The following UBE3C variants were observed in gnomAD, a reference collection of about 807,000 sequenced individuals.
UBE3C encodes the protein ubiquitin-protein ligase E3C.
A neutral mutation model predicts 129.4 loss-of-function variants in UBE3C; 42 were observed. That is an observed-to-expected ratio of 0.32 (90% CI 0.25 to 0.42). The LOEUF is 0.42. UBE3C is among the 10% of genes least tolerant of loss of function. The pLI, the probability that UBE3C is intolerant of heterozygous loss-of-function variation, is 1.00. For missense variants in UBE3C, 1,049 were observed against 1,319.1 expected (o/e 0.80, Z 3.17); for synonymous variants, 510 against 492.4 (o/e 1.04, Z -0.47).
chr7:157,210,148 G>A (rs1809550535), intron 13 of UBE3C, among the ~76,000 whole-genome samples: 1 of 152,190 alleles, frequency 6.6e-6, no homozygotes, highest in South Asian at 2.1e-4. Context: ...CTGCACTCCA[G>A]CCTGGGCGGT....
rs1023892001 is a variant in UBE3C at position 157,141,211 on chromosome 7, G to A, written c.66+1873G>A. Among the ~76,000 whole-genome samples, 5 of 152,296 alleles carry A rather than the reference G, an allele frequency of 3.3e-5. No individual in the cohort carries two copies. In the East Asian group the frequency reaches 9.7e-4, roughly 29 times the overall value. On this transcript the variant is annotated intron_variant, in intron 1 of 22. Coordinates refer to ENST00000348165, the MANE Select transcript of UBE3C (RefSeq NM_014671.3). ...GCTGGGGCATGGGTGCCCTGGCCTG[G>A]TTAAGGAATCTGGGTGGGGAGCCAG...
chr7:157,225,574 G>A (rs756976544), intron 17 of UBE3C, 35 bp downstream of exon 17: 2 of 1,522,694 alleles, frequency 1.3e-6, no homozygotes, highest in African/African-American at 1.4e-5. Context: ...TATTTGGCAG[G>A]TGGAGGCTAG....
chr7:157,222,947 C>T (rs986395551), intron 15 of UBE3C: 10 of 256,054 alleles, frequency 3.9e-5, no homozygotes, highest in Non-Finnish European at 6.1e-5. Context: ...TGGCTGCATT[C>T]GGGCCTCACC....
At chr7:157,193,871 C>T (rs1478118994) in intron 10 of UBE3C, among the ~76,000 whole-genome samples, 1 of 152,144 alleles carries the variant, frequency 6.6e-6, no homozygotes, top group African/African-American at 2.4e-5. Flanking sequence ...CACTACATAG[C>T]ACACATGAAA....
At chr7:157,169,000 C>T (rs758211106) in intron 2 of UBE3C, 48 bp from the exon 3 acceptor site, 1 of 1,478,530 alleles carries the variant, frequency 6.8e-7, no homozygotes, top group Non-Finnish European at 9.4e-7. Flanking sequence ...ATGTCATTTT[C>T]ACTGGATTCT....
intron 1 of UBE3C, among the ~76,000 whole-genome samples, chr7:157,154,102 T>C (rs1412205560): frequency 6.6e-6 from 1 of 151,934 alleles, no homozygotes. Context: ...GGTGGGTGGA[T>C]CACGAGGTCA....
At chr7:157,210,285 CT>C (rs35887132) in intron 13 of UBE3C, among the ~76,000 whole-genome samples, 224 of 146,932 alleles carry the variant, frequency 1.5e-3, no homozygotes, top group Middle Eastern at 3.5e-3. Flanking sequence ...GTTTAAAGAC[CT>C]TTTTTTTTTT....
intron 17 of UBE3C, among the ~76,000 whole-genome samples, chr7:157,228,154 C>A (rs548898629): frequency 6.6e-6 from 1 of 152,240 alleles, no homozygotes; most frequent in African/African-American, 2.4e-5. Context: ...GTTGTCTTAT[C>A]TCCGAACGAT....
At chr7:157,216,386 A>T (rs1311739013) in intron 13 of UBE3C, among the ~76,000 whole-genome samples, 1 of 150,850 alleles carries the variant, frequency 6.6e-6, no homozygotes, top group African/African-American at 2.5e-5. Flanking sequence ...GTTTGGGGGT[A>T]CATGTGAAGT....
intron 5 of UBE3C, among the ~76,000 whole-genome samples, chr7:157,178,305 T>G (rs1163289499): frequency 1.3e-5 from 2 of 152,222 alleles, no homozygotes; most frequent in Non-Finnish European, 2.9e-5. Flanking sequence ...AAAGCATCTT[T>G]AAGGAGATGA....
intron 13 of UBE3C, among the ~76,000 whole-genome samples, chr7:157,213,788 C>T (rs1389825136): frequency 5.3e-5 from 8 of 151,812 alleles, no homozygotes; most frequent in East Asian, 1.9e-4. Flanking sequence ...GGAATTGGTC[C>T]GGGACTAGTC....
Position 157,216,856 on chromosome 7 carries a change from TTTC to T in UBE3C, c.1810-8_1810-6del. The T allele has an allele frequency of 6.2e-7, 1 of 1,610,862 alleles. No individual in the cohort carries two copies. The highest frequency in any genetic ancestry group is 8.5e-7 in the Non-Finnish European group (1 of 1,177,218). On this transcript the variant is annotated splice_polypyrimidine_tract_variant and splice_region_variant and intron_variant, in intron 13 of 22. Coordinates refer to ENST00000348165, the MANE Select transcript of UBE3C (RefSeq NM_014671.3). ...TCACGTGTGTGACGCGGATATGTTC[TTTC>T]TTTTCAGGTTATCACCAATCTAGTG...
chr7:157,243,333 G>A (rs1796394987), intron 18 of UBE3C, among the ~76,000 whole-genome samples: 1 of 152,176 alleles, frequency 6.6e-6, no homozygotes, highest in Non-Finnish European at 1.5e-5. Flanking sequence ...CTGCATGCTG[G>A]GGATTTGGGC....
chr7:157,245,982 G>C (rs1359464681), intron 18 of UBE3C, among the ~76,000 whole-genome samples: 1 of 105,612 alleles, frequency 9.5e-6, no homozygotes, highest in Admixed American at 1.4e-4. Context: ...AACAGAGGGA[G>C]ACTCCGTCTC....
chr7:157,247,387 A>G (rs532209108), intron 18 of UBE3C, among the ~76,000 whole-genome samples: 6 of 152,242 alleles, frequency 3.9e-5, no homozygotes, highest in South Asian at 2.1e-4. Flanking sequence ...TGTTGTCTCT[A>G]TTGTCTTTAT....
At chr7:157,248,752 GT>G in intron 19 of UBE3C, 172 bp downstream of exon 19, 1 of 668,306 alleles carries the variant, frequency 1.5e-6, no homozygotes, top group South Asian at 1.9e-5. Flanking sequence ...TAGCCCTGGC[GT>G]CTGAGCTGAG....
rs947168234 is a variant in UBE3C at position 157,198,379 on chromosome 7, A to G, written c.1332-3342A>G. ...AGGCCAGTTTATTTCTTGATATGTC[A>G]TCCCTTTGGCTGTTTTCAAGTTTCT... On this transcript the variant is annotated intron_variant, in intron 10 of 22. Coordinates refer to ENST00000348165, the MANE Select transcript of UBE3C (RefSeq NM_014671.3). The G allele has an allele frequency of 7.3e-5, 54 of 735,404 alleles. 1 individual carries two copies. The highest frequency in any genetic ancestry group is 4.3e-4 in the South Asian group (30 of 69,508). 45.6% of individuals were successfully genotyped at this position (735,404 alleles called of 1,614,324 possible).
chr7:157,214,117 C>A (rs926591967), intron 13 of UBE3C, among the ~76,000 whole-genome samples: 35 of 152,100 alleles, frequency 2.3e-4, no homozygotes, highest in Non-Finnish European at 1.5e-5. Flanking sequence ...TCTCCCTCCA[C>A]CGCCTTTTTT....
Position 157,158,007 on chromosome 7 carries a change from T to G in UBE3C, c.67-5803T>G, listed in dbSNP as rs1416564336. Among the ~76,000 whole-genome samples the G allele has an allele frequency of 5.5e-5, 8 of 144,298 alleles. No homozygotes were observed. In the South Asian group the frequency reaches 1.4e-3, roughly 25 times the overall value. The allele number at this position is 144,298 out of a possible 152,430, so 94.7% of individuals were successfully genotyped here. On this transcript the variant is annotated intron_variant, in intron 1 of 22. Coordinates refer to ENST00000348165, the MANE Select transcript of UBE3C (RefSeq NM_014671.3). Reference sequence around the variant, plus strand: ...ATATATAGAGAGAGAGAGAGAGAGATACATATAAACATGGTGAGACCCAAT... The same window carrying G: ...ATATATAGAGAGAGAGAGAGAGAGAGACATATAAACATGGTGAGACCCAAT...
Sources: allele counts gnomAD v4.1 joint callset (sites outside exome capture counted in the v4.1 genomes callset), GRCh38; gene constraint gnomAD v4.1.1; transcripts MANE v1.5; gene names NCBI Gene and HGNC (gene_info 2026-07-23, HGNC 2026-07-21).